The following ZMIZ1 variants were observed in gnomAD, a reference collection of about 807,000 sequenced individuals.
ZMIZ1 encodes zinc finger MIZ domain-containing protein 1.
ZMIZ1 carries 17 observed loss-of-function variants against 113.9 expected under a neutral mutation model. The ratio of observed to expected loss-of-function variants is 0.15; its 90% confidence interval spans 0.10 to 0.22. The LOEUF is 0.22. ZMIZ1 is among the 10% of genes least tolerant of loss of function. The probability of loss-of-function intolerance (pLI) is 1.00; values close to 1 mark genes in which losing one functional copy is unlikely to be tolerated. For synonymous variants in ZMIZ1, 607 were observed against 603.1 expected (o/e 1.01, Z -0.09); for missense variants, 1,059 against 1,477.8 (o/e 0.72, Z 4.65).
At chr10:79,216,082 C>T (rs1466395623) in intron 6 of ZMIZ1, 87 bp from the exon 7 acceptor site, 3 of 935,134 alleles carry the variant, frequency 3.2e-6, no homozygotes, top group Non-Finnish European at 4.5e-6. Flanking sequence ...TTAGCTTGCC[C>T]ACCTCACCCA....
intron 7 of ZMIZ1, among the ~76,000 whole-genome samples, chr10:79,265,816 C>T (rs1024766369): frequency 9.2e-5 from 14 of 152,166 alleles, no homozygotes; most frequent in Non-Finnish European, 2.1e-4. Flanking sequence ...CTCCTAGGAC[C>T]CTGTCACCCT....
chr10:79,115,570 G>C (rs899566714), intron 1 of ZMIZ1, among the ~76,000 whole-genome samples: 1 of 152,240 alleles, frequency 6.6e-6, no homozygotes, highest in African/African-American at 2.4e-5. Flanking sequence ...TGGCCTGTCA[G>C]GGATTCCATT....
At chr10:79,087,253 G>A (rs931410784) in intron 1 of ZMIZ1, among the ~76,000 whole-genome samples, 2 of 152,208 alleles carry the variant, frequency 1.3e-5, no homozygotes, top group African/African-American at 2.4e-5. Context: ...TTTTTGGCAG[G>A]TGATGGTAAA....
rs891190506 is a variant in ZMIZ1 at position 79,313,339 on chromosome 10, G to C, written c.*590G>C. On this transcript the variant is annotated 3_prime_UTR_variant, in exon 25 of 25. Transcript: ENST00000334512. ...AAGACAACGTCTCTCGGGGGCCAGG[G>C]GTCATCGGTTTGACCCCTGACCTAT... 6.4e-6 allele frequency: 1 copy of C among 156,222 alleles called. No homozygotes were observed. The highest frequency in any genetic ancestry group is 1.4e-5 in the Non-Finnish European group (1 of 70,486). The allele number at this position is 156,222 out of a possible 1,614,324, so 9.7% of individuals were successfully genotyped here.
intron 2 of ZMIZ1, among the ~76,000 whole-genome samples, chr10:79,125,034 G>A (rs1844453829): frequency 6.6e-6 from 1 of 152,236 alleles, no homozygotes; most frequent in Admixed American, 6.5e-5. Flanking sequence ...AACTGTGGCA[G>A]CAGGAAGAGC....
intron 4 of ZMIZ1, among the ~76,000 whole-genome samples, chr10:79,197,627 C>CAG (rs1564713245): frequency 3.5e-4 from 52 of 148,814 alleles, no homozygotes; most frequent in African/African-American, 1.2e-3. Flanking sequence ...CACACACACA[C>CAG]ACACACACAC....
intron 2 of ZMIZ1, among the ~76,000 whole-genome samples, chr10:79,127,749 C>G (rs1484139922): frequency 1.3e-5 from 2 of 152,242 alleles, no homozygotes; most frequent in Admixed American, 6.5e-5. Context: ...AGGAGCAGGC[C>G]CTTTGCAGGA....
chr10:79,186,844 AC>A (rs1847372287), intron 4 of ZMIZ1, among the ~76,000 whole-genome samples: 1 of 152,212 alleles, frequency 6.6e-6, no homozygotes, highest in Non-Finnish European at 1.5e-5. Context: ...TCAAAGGGGC[AC>A]TGAGCATGTG....
At chr10:79,160,644 C>G (rs1271231996) in intron 3 of ZMIZ1, among the ~76,000 whole-genome samples, 1 of 152,270 alleles carries the variant, frequency 6.6e-6, no homozygotes, top group Admixed American at 6.5e-5. Flanking sequence ...GAGCCTGCCT[C>G]TCAATCACCA....
rs185637297 is a variant in ZMIZ1, at chr10:79,099,508, G to A, written c.-336-19407G>A. Among the ~76,000 whole-genome samples the A allele has an allele frequency of 2.2e-4, 33 of 152,348 alleles. 1 individual carries two copies. The highest frequency in any genetic ancestry group is 8.3e-4 in the South Asian group (4 of 4,828). On this transcript the variant is annotated intron_variant, in intron 1 of 24. Transcript: ENST00000334512. ...GAAGAAGCAATCTTGTTAGACTGGC[G>A]TGTGGAAGACAGAGGGGCCTGTGCT...
chr10:79,289,737 G>A (rs780684476), intron 8 of ZMIZ1, 38 bp from the exon 9 acceptor site: 4 of 1,589,842 alleles, frequency 2.5e-6, no homozygotes, highest in Non-Finnish European at 3.4e-6. Flanking sequence ...GTCTGTGCCT[G>A]CCAGGCCCTG....
intron 16 of ZMIZ1, among the ~76,000 whole-genome samples, chr10:79,299,587 G>T (rs1432907309): frequency 2.0e-5 from 3 of 152,242 alleles, no homozygotes; most frequent in Non-Finnish European, 2.9e-5. Context: ...GGCCAGGCCG[G>T]GGTCAGGCAG....
chr10:79,208,439 G>A lies in ZMIZ1; in HGVS notation c.164G>A (p.Gly55Asp). ...CGGCCCTTCGAGCAGAGCCTGATGG[G>A]CTGTTTGACGGTGAGTCTGCACCCT... ...FQRPFEQSLMGCLTVVSRVAA... is the reference protein window; with the variant it reads ...FQRPFEQSLMDCLTVVSRVAA... Residue 55 changes from glycine (G) to aspartate (D), a missense_variant, in exon 6 of 25, where the codon GGC becomes GAC. Gly to Asp is a moderately conservative substitution (Grantham distance 94). This residue lies in a region of ZMIZ1 where 272 missense variants were observed against 350.4 expected (regional missense o/e 0.78). Coordinates refer to ENST00000334512, the MANE Select transcript of ZMIZ1 (RefSeq NM_020338.4). The A allele has an allele frequency of 6.2e-7, 1 of 1,613,386 alleles. No homozygotes were observed. The highest frequency in any genetic ancestry group is 1.1e-5 in the South Asian group (1 of 91,074).
chr10:79,293,760 A>G, intron 12 of ZMIZ1, 107 bp downstream of exon 12: 1 of 1,542,480 alleles, frequency 6.5e-7, no homozygotes, highest in Non-Finnish European at 8.9e-7. Flanking sequence ...ACTCCAGCAC[A>G]CTTGGACAAA....
rs920915689 is a variant in ZMIZ1 at position 79,313,335 on chromosome 10, C to T, written c.*586C>T. ...GGGAAAGACAACGTCTCTCGGGGGC[C>T]AGGGGTCATCGGTTTGACCCCTGAC... On this transcript the variant is annotated 3_prime_UTR_variant, in exon 25 of 25. Transcript: ENST00000334512. The T allele has an allele frequency of 6.4e-6, 1 of 156,308 alleles. No individual in the cohort carries two copies. Among genetic ancestry groups the T allele is most frequent in the African/African-American group, 2.4e-5 (1 of 41,436 alleles). The allele number at this position is 156,308 out of a possible 1,614,324, so 9.7% of individuals were successfully genotyped here. A position where few individuals can be genotyped will look rare whatever the true frequency, so the allele number is the denominator to read the frequency against.
At chr10:79,307,778 C>A (rs898933608) in intron 23 of ZMIZ1, among the ~76,000 whole-genome samples, 10 of 152,194 alleles carry the variant, frequency 6.6e-5, no homozygotes, top group Admixed American at 1.3e-4. Flanking sequence ...ATTTCGGATT[C>A]TCTGGAGATG....
chr10:79,176,140 C>T (rs112203456), intron 4 of ZMIZ1, among the ~76,000 whole-genome samples: 66 of 152,054 alleles, frequency 4.3e-4, no homozygotes, highest in African/African-American at 1.5e-3. Flanking sequence ...GCACGTGTTC[C>T]GGAGGCCCAA....
At chr10:79,093,956 C>T (rs1843080685) in intron 1 of ZMIZ1, among the ~76,000 whole-genome samples, 1 of 152,140 alleles carries the variant, frequency 6.6e-6, no homozygotes, top group African/African-American at 2.4e-5. Flanking sequence ...AGGAAGAAGC[C>T]AATTTGCATT....
At chr10:79,312,326 A>G (rs566164576) in intron 24 of ZMIZ1, among the ~76,000 whole-genome samples, 2 of 152,362 alleles carry the variant, frequency 1.3e-5, no homozygotes, top group African/African-American at 2.4e-5. Flanking sequence ...GTGACCTGCC[A>G]TGGGGCCTTC....
Sources: gnomAD v4.1 joint callset for allele counts (sites outside exome capture counted in the v4.1 genomes callset) on GRCh38, gnomAD v4.1.1 for gene constraint, gnomAD v4.1.1 regional missense constraint, MANE v1.5 for transcripts, NCBI Gene and HGNC (gene_info 2026-07-23, HGNC 2026-07-21) for gene names.